The following EPHA8 variants were observed in gnomAD, a reference collection of about 807,000 sequenced individuals.
The protein encoded by EPHA8 is ephrin type-A receptor 8.
Under a neutral mutation model 103.6 loss-of-function variants are expected in EPHA8, and 58 were observed. That is an observed-to-expected ratio of 0.56 (90% CI 0.45 to 0.70). The LOEUF (loss-of-function observed/expected upper bound fraction) is 0.70. EPHA8 is among the 30% of genes least tolerant of loss of function. EPHA8 has a pLI of 0.00. For synonymous variants in EPHA8, 559 were observed against 572.5 expected (o/e 0.98, Z 0.34); for missense variants, 1,304 against 1,395.2 (o/e 0.93, Z 1.04).
intron 2 of EPHA8, among the ~76,000 whole-genome samples, chr1:22,570,492 G>A (rs1001792244): frequency 3.3e-5 from 5 of 152,286 alleles, no homozygotes; most frequent in Non-Finnish European, 7.3e-5. Context: ...TCTGAGGACA[G>A]AAGAATAATA....
chr1:22,590,969 G>A (rs1641356720), intron 5 of EPHA8, among the ~76,000 whole-genome samples: 1 of 150,914 alleles, frequency 6.6e-6, no homozygotes, highest in African/African-American at 2.4e-5. Flanking sequence ...AAAGCCCCAG[G>A]GACCTCCCTT....
intron 4 of EPHA8, among the ~76,000 whole-genome samples, chr1:22,588,538 G>A (rs1393010284): frequency 1.3e-5 from 2 of 151,960 alleles, no homozygotes; most frequent in South Asian, 4.2e-4. Context: ...GGTGGCTGCT[G>A]TGGGCACCCC....
intron 5 of EPHA8, among the ~76,000 whole-genome samples, chr1:22,592,402 A>T (rs1570016236): frequency 6.6e-6 from 1 of 152,038 alleles, no homozygotes; most frequent in Non-Finnish European, 1.5e-5. Flanking sequence ...CAAGTGACTC[A>T]CCCAGGGTCC....
chr1:22,602,288 C>CG lies in EPHA8; in HGVS notation c.*552dup, dbSNP rs1641761924. On this transcript the variant is annotated 3_prime_UTR_variant, in exon 17 of 17. Transcript: ENST00000166244. ...CCGCCAGGTCCAGCACCCATGGGGG[C>CG]GGGGGAGAGGCTCACCCCTACGTCC... The CG allele has an allele frequency of 6.1e-6, 1 of 163,116 alleles. No homozygotes were observed. The highest frequency in any genetic ancestry group is 1.9e-4 in the South Asian group (1 of 5,340). 10.1% of individuals were successfully genotyped at this position (163,116 alleles called of 1,614,324 possible).
Position 22,576,654 on chromosome 1 carries a change from C to T in EPHA8, c.597C>T (p.Ile199=), listed in dbSNP as rs1330578538. The part of the protein sequence containing the change: ...GACLAILSLR[I]YYKKCPAMVR... ...GCCTGGCCATCCTCTCTCTCCGCAT[C>T]TACTATAAGAAGTGCCCTGCCATGG... The change falls in exon 3 of 17, where the codon ATC becomes ATT. Residue 199 remains isoleucine, a synonymous_variant. Transcript: ENST00000166244. This position sits in a 1 kb window ranked among gnomAD's most constrained non-coding sequence, Gnocchi z 4.8. 7 of 1,613,936 alleles carry T rather than the reference C, an allele frequency of 4.3e-6. No homozygotes were observed. Among genetic ancestry groups the T allele is most frequent in the East Asian group, 2.2e-5 (1 of 44,880 alleles).
At chr1:22,600,281 GAT>G in intron 13 of EPHA8, among the ~76,000 whole-genome samples, 1 of 148,954 alleles carries the variant, frequency 6.7e-6, no homozygotes, top group Non-Finnish European at 1.5e-5. Flanking sequence ...GGAAGGAAGG[GAT>G]GAGGAAAGGA....
In EPHA8 at chr1:22,580,127, C is replaced by CTT. The variant is rs764600240; in HGVS notation, c.823+3273_823+3274dup. 2.4e-3 allele frequency among the ~76,000 whole-genome samples: 229 copies of CTT among 97,422 alleles called. 2 individuals carry two copies. Among genetic ancestry groups the CTT allele is most frequent in the African/African-American group, 8.6e-3 (193 of 22,548 alleles). 63.9% of individuals were successfully genotyped at this position (97,422 alleles called of 152,430 possible). A position where few individuals can be genotyped will look rare whatever the true frequency, so the allele number is the denominator to read the frequency against. On this transcript the variant is annotated intron_variant, in intron 3 of 16. Transcript: ENST00000166244. ...AGGCTCTCTGGTTTTCTTTCTTTCT[C>CTT]TTTTTTTTTTTTTTTTTTTTTTTTT...
rs139125164 is a variant in EPHA8, at chr1:22,573,817, C to G, written c.160-2400C>G. On this transcript the variant is annotated intron_variant, in intron 2 of 16. Transcript: ENST00000166244. ...AGACCTCCACCCTTGCAAGAAGGTC[C>G]TGCTTCATTGCAGTGCCAGGTTGAC... 2.3e-3 allele frequency among the ~76,000 whole-genome samples: 350 copies of G among 152,314 alleles called. 1 individual carries two copies. The highest frequency in any genetic ancestry group is 8.1e-3 in the African/African-American group (335 of 41,582).
In EPHA8 at chr1:22,597,470, G is replaced by A. The variant is rs536702821; in HGVS notation, c.1924G>A (p.Gly642Ser). The A allele has an allele frequency of 9.9e-6, 16 of 1,612,708 alleles. No homozygotes were observed. The highest frequency in any genetic ancestry group is 6.7e-5 in the Admixed American group (4 of 59,966). Residue 642 changes from glycine (G) to serine (S), a missense_variant, in exon 10 of 17, where the codon GGC (glycine) becomes AGC (serine). Coordinates refer to ENST00000166244, the MANE Select transcript of EPHA8 (RefSeq NM_020526.5). This position sits in a 1 kb window ranked among gnomAD's most constrained non-coding sequence, Gnocchi z 4.6. ...TAGGATCCACATCGAGAAAATCATC[G>A]GCTCTGGTGAGTCTCAGGGGTTGTG... Reference protein sequence around the residue: ...ASRIHIEKIIGSGDSGEVCYG... With the variant: ...ASRIHIEKIISSGDSGEVCYG...
chr1:22,585,054 C>T (rs867054067), intron 3 of EPHA8, among the ~76,000 whole-genome samples: 27 of 80,164 alleles, frequency 3.4e-4, no homozygotes, highest in Middle Eastern at 5.6e-3. Context: ...TGTGTGTGCG[C>T]ACGCGTGTGT....
At chr1:22,575,151 A>G (rs917099227) in intron 2 of EPHA8, among the ~76,000 whole-genome samples, 2 of 152,098 alleles carry the variant, frequency 1.3e-5, no homozygotes. Flanking sequence ...GGGTTTCGCC[A>G]TGTTGGCCAG....
chr1:22,600,247 CAGA>C (rs972599150), intron 13 of EPHA8, among the ~76,000 whole-genome samples: 2 of 112,632 alleles, frequency 1.8e-5, no homozygotes, highest in Non-Finnish European at 3.4e-5. Context: ...GAAGGAAGGA[CAGA>C]AGGAGGAAGG....
rs148164803 is a variant in EPHA8, at chr1:22,576,361, A to C, written c.304A>C (p.Lys102Gln). The change falls in exon 3 of 17, where the codon AAG becomes CAG. Residue 102 changes from lysine (K) to glutamine (Q), a missense_variant. Physicochemically the swap from Lys to Gln is moderately conservative, Grantham distance 53. Transcript: ENST00000166244. This position sits in a 1 kb window ranked among gnomAD's most constrained non-coding sequence, Gnocchi z 4.8. ...DGARRVYAEI[K>Q]FTLRDCNSMP... ...CGCCCGGCGCGTCTATGCTGAGATCAAGTTTACCCTGCGCGACTGCAACAG... is the reference window on the plus strand; with the variant it reads ...CGCCCGGCGCGTCTATGCTGAGATCCAGTTTACCCTGCGCGACTGCAACAG... 1.1e-5 allele frequency: 17 copies of C among 1,613,624 alleles called. No homozygotes were observed. The African/African-American group carries it at 2.0e-4, about 19-fold the overall frequency.
intron 13 of EPHA8, among the ~76,000 whole-genome samples, chr1:22,599,938 G>GGGGA (rs149534815): frequency 8.5e-5 from 5 of 59,100 alleles, no homozygotes; most frequent in African/African-American, 3.3e-4. Flanking sequence ...GGAGGGAGTG[G>GGGGA]GGGAGGGAGG....
rs150187218 is a variant in EPHA8 at position 22,576,400 on chromosome 1, C to G, written c.343C>G (p.Leu115Val). 6.2e-7 allele frequency: 1 copy of G among 1,613,928 alleles called. No individual in the cohort carries two copies. Among genetic ancestry groups the G allele is most frequent in the Non-Finnish European group, 8.5e-7 (1 of 1,180,030 alleles). Residue 115 changes from leucine to valine, a missense_variant, in exon 3 of 17, where the codon CTG (leucine) becomes GTG (valine). Coordinates refer to ENST00000166244, the MANE Select transcript of EPHA8 (RefSeq NM_020526.5). The surrounding 1 kb of genome is among the most constrained non-coding windows in gnomAD (Gnocchi z 4.8). ...LRDCNSMPGV[L>V]GTCKETFNLY... ...CGACTGCAACAGCATGCCTGGTGTG[C>G]TGGGCACCTGCAAGGAGACCTTCAA... is the stretch of plus-strand genomic sequence containing the variant.
intron 2 of EPHA8, among the ~76,000 whole-genome samples, chr1:22,570,252 A>G (rs1640488706): frequency 6.7e-6 from 1 of 149,374 alleles, no homozygotes. Context: ...ACACATGCAC[A>G]CACACGCACG....
At chr1:22,578,744 CG>C (rs1640908256) in intron 3 of EPHA8, among the ~76,000 whole-genome samples, 1 of 133,892 alleles carries the variant, frequency 7.5e-6, no homozygotes, top group South Asian at 2.5e-4. Context: ...AGTGTATGTA[CG>C]GATTTGTGCA....
chr1:22,577,996 C>T (rs142817926), intron 3 of EPHA8, among the ~76,000 whole-genome samples: 6 of 74 alleles, frequency 0.081, 1 homozygote, highest in Non-Finnish European at 0.075. Flanking sequence ...TGTGCATGTA[C>T]ACCTGTGTGT....
Position 22,569,392 on chromosome 1 carries a change from G to A in EPHA8, c.159+39G>A, listed in dbSNP as rs1375217997. On this transcript the variant is annotated intron_variant, in intron 2 of 16. Transcript: ENST00000166244. The surrounding 1 kb of genome is among the most constrained non-coding windows in gnomAD (Gnocchi z 4.5). ...ACTGGGGACAACGTCATCCCTCTGT[G>A]AGCAGAGAGAGGCTGCCACTCACAG... The A allele has an allele frequency of 6.5e-7, 1 of 1,538,530 alleles. No homozygotes were observed. The highest frequency in any genetic ancestry group is 1.4e-5 in the African/African-American group (1 of 72,572).
Sources: gnomAD v4.1 joint callset for allele counts (sites outside exome capture counted in the v4.1 genomes callset) on GRCh38, gnomAD v4.1.1 for gene constraint, Gnocchi (gnomAD v3.1) non-coding constraint, MANE v1.5 for transcripts, NCBI Gene and HGNC (gene_info 2026-07-23, HGNC 2026-07-21) for gene names.